The following CDH4 variants were observed in gnomAD, a reference collection of about 807,000 sequenced individuals.
The protein encoded by CDH4 is cadherin-4.
CDH4 carries 33 observed loss-of-function variants against 86.0 expected under a neutral mutation model. The ratio of observed to expected loss-of-function variants is 0.38; its 90% CI spans 0.29 to 0.51. The LOEUF (loss-of-function observed/expected upper bound fraction) is 0.51, where lower values mean the gene tolerates loss of function less well. CDH4 is among the 20% of genes least tolerant of loss of function. The pLI is 0.86. For synonymous variants in CDH4, 555 were observed against 549.4 expected (o/e 1.01, Z -0.14); for missense variants, 1,114 against 1,307.4 (o/e 0.85, Z 2.28).
intron 4 of CDH4, among the ~76,000 whole-genome samples, chr20:61,822,576 G>A (rs1245148152): frequency 1.3e-5 from 2 of 152,152 alleles, no homozygotes; most frequent in Non-Finnish European, 2.9e-5. Context: ...GGGAGGGGAG[G>A]GTGCCAGGTG....
chr20:61,661,983 C>T (rs1256247735), intron 2 of CDH4, among the ~76,000 whole-genome samples: 1 of 152,184 alleles, frequency 6.6e-6, no homozygotes, highest in African/African-American at 2.4e-5. Context: ...TCAAATTCTT[C>T]CAGGGTACAT....
chr20:61,727,834 G>A (rs995552943), intron 2 of CDH4, among the ~76,000 whole-genome samples: 4 of 151,748 alleles, frequency 2.6e-5, no homozygotes, highest in Admixed American at 2.6e-4. Context: ...GCCTCCCCCC[G>A]ACCACCCCCA....
In CDH4 at chr20:61,879,381, T is replaced by C. The variant is rs537505944; in HGVS notation, c.1050+5481T>C. 6.6e-6 allele frequency among the ~76,000 whole-genome samples: 1 copy of C among 152,268 alleles called. No homozygotes were observed. The highest frequency in any genetic ancestry group is 2.1e-4 in the South Asian group (1 of 4,824). ...GTTCCTTTTTCTCTTCCTCCCCCTT[T>C]AAAAAGATTCATCTCCCCTGCCCTT... On this transcript the variant is annotated intron_variant, in intron 7 of 15. Transcript: ENST00000614565. The surrounding 1 kb of genome is among the most constrained non-coding windows in gnomAD (Gnocchi z 4.1).
intron 2 of CDH4, among the ~76,000 whole-genome samples, chr20:61,454,288 A>G (rs2085395672): frequency 6.6e-6 from 1 of 152,196 alleles, no homozygotes; most frequent in East Asian, 1.9e-4. Flanking sequence ...TCAGCAAAGT[A>G]AACAGGCAGC....
intron 3 of CDH4, among the ~76,000 whole-genome samples, chr20:61,750,131 C>A (rs2088473059): frequency 6.6e-6 from 1 of 151,888 alleles, no homozygotes; most frequent in Admixed American, 6.6e-5. Context: ...GAAAATGAGA[C>A]CCAAAGTCTA....
intron 2 of CDH4, among the ~76,000 whole-genome samples, chr20:61,484,017 A>G (rs2085582477): frequency 1.3e-5 from 2 of 152,048 alleles, no homozygotes; most frequent in Non-Finnish European, 2.9e-5. Context: ...TGCTCACTCC[A>G]GATGCTGCTC....
chr20:61,868,708 G>GTGTCCCCCCACACTGGGCGGA (rs11466871), intron 6 of CDH4, among the ~76,000 whole-genome samples: 84,867 of 151,282 alleles, frequency 0.56, 24,330 homozygotes, highest in Non-Finnish European at 0.62. Context: ...CTCTGGGCAG[G>GTGTCCCCCCACACTGGGCGGA]TGTCCCCCCA....
chr20:61,666,638 C>T, intron 2 of CDH4, among the ~76,000 whole-genome samples: 1 of 152,330 alleles, frequency 6.6e-6, no homozygotes, highest in South Asian at 2.1e-4. Context: ...GGAGGGCCAG[C>T]CCAGGCAGGA....
intron 2 of CDH4, among the ~76,000 whole-genome samples, chr20:61,590,752 C>T (rs1391862158): frequency 6.6e-6 from 1 of 152,112 alleles, no homozygotes; most frequent in African/African-American, 2.4e-5. Flanking sequence ...CCTTCACCTT[C>T]GTGATGGTGT....
At chr20:61,669,487 G>T (rs1209535403) in intron 2 of CDH4, among the ~76,000 whole-genome samples, 1 of 152,238 alleles carries the variant, frequency 6.6e-6, no homozygotes, top group Non-Finnish European at 1.5e-5. Context: ...AGCAGGAGTG[G>T]AGGCTGTCGA....
intron 8 of CDH4, among the ~76,000 whole-genome samples, chr20:61,903,011 T>C (rs2054744581): frequency 1.5e-5 from 1 of 65,040 alleles, no homozygotes; most frequent in Non-Finnish European, 2.9e-5. Flanking sequence ...AGAGCAAGAC[T>C]GTCTCAAAAA....
intron 2 of CDH4, among the ~76,000 whole-genome samples, chr20:61,622,187 A>C (rs2086784293): frequency 1.3e-5 from 2 of 152,246 alleles, no homozygotes; most frequent in African/African-American, 2.4e-5. Context: ...TGCGAAACGC[A>C]GACTGCTCCT....
At chr20:61,901,222 T>TAGGGGCCGGGGC (rs1985387982) in intron 8 of CDH4, among the ~76,000 whole-genome samples, 1 of 132,428 alleles carries the variant, frequency 7.6e-6, no homozygotes, top group Admixed American at 7.7e-5. Context: ...GCAGGAGGAG[T>TAGGGGCCGGGGC]AGGGGCAGGG....
At chr20:61,769,348 A>G (rs2088746406) in intron 3 of CDH4, among the ~76,000 whole-genome samples, 2 of 152,292 alleles carry the variant, frequency 1.3e-5, no homozygotes, top group South Asian at 2.1e-4. Flanking sequence ...TCCTGGGACC[A>G]GCCTGGGAGC....
chr20:61,923,706 T>G lies in CDH4; in HGVS notation c.1628+2T>G, dbSNP rs1050953998. 1 of 1,612,724 alleles carries G rather than the reference T, an allele frequency of 6.2e-7. No homozygotes were observed. Among genetic ancestry groups the G allele is most frequent in the Non-Finnish European group, 8.5e-7 (1 of 1,179,970 alleles). Reference sequence around the variant, plus strand: ...CCGGTTCATGCAGCAGGCTGTGAGGTGGGTGCACAGGACATGCCTCGTCCC... The same window carrying G: ...CCGGTTCATGCAGCAGGCTGTGAGGGGGGTGCACAGGACATGCCTCGTCCC... On this transcript the variant is annotated splice_donor_variant, in intron 10 of 15. Coordinates refer to ENST00000614565, the MANE Select transcript of CDH4 (RefSeq NM_001794.5). LOFTEE classifies it high-confidence loss of function.
chr20:61,547,959 A>C (rs2086101284), intron 2 of CDH4, among the ~76,000 whole-genome samples: 1 of 152,226 alleles, frequency 6.6e-6, no homozygotes, highest in Admixed American at 6.5e-5. Context: ...ATAAATAAAA[A>C]CAAAGTAACA....
rs552487781 is a variant in CDH4 at position 61,819,272 on chromosome 20, C to T, written c.577-25396C>T. On this transcript the variant is annotated intron_variant, in intron 4 of 15. Transcript: ENST00000614565. The stretch of plus-strand genomic sequence containing the variant: ...AGAAGCCACCGCAGGGCAGCTGAAC[C>T]GGTGCTGGCCCAGAAACTGCCCCCT... Among the ~76,000 whole-genome samples the T allele has an allele frequency of 6.6e-5, 10 of 152,358 alleles. No individual in the cohort carries two copies. In the South Asian group the frequency reaches 1.9e-3, roughly 28 times the overall value.
chr20:61,474,385 G>A (rs147506347), intron 2 of CDH4, among the ~76,000 whole-genome samples: 1 of 147,692 alleles, frequency 6.8e-6, no homozygotes, highest in Non-Finnish European at 1.5e-5. Flanking sequence ...ATGTTGGCCA[G>A]ACTGGTCTAA....
At chr20:61,883,569 G>A (rs1715554163) in intron 7 of CDH4, among the ~76,000 whole-genome samples, 1 of 152,230 alleles carries the variant, frequency 6.6e-6, no homozygotes, top group Non-Finnish European at 1.5e-5. Flanking sequence ...AGCCACAGGA[G>A]GGCAAGGGCT....
Sources: gnomAD v4.1 joint callset for allele counts (sites outside exome capture counted in the v4.1 genomes callset) on GRCh38, gnomAD v4.1.1 for gene constraint, Gnocchi (gnomAD v3.1) non-coding constraint, MANE v1.5 for transcripts, NCBI Gene and HGNC (gene_info 2026-07-23, HGNC 2026-07-21) for gene names.